Variants in ZFHX4 observed in about 807,000 individuals in gnomAD.
ZFHX4 encodes zinc finger homeobox 4.
A neutral mutation model predicts 267.6 loss-of-function variants in ZFHX4; 56 were observed. The observed-to-expected ratio is 0.21, with a 90% CI of 0.17 to 0.26. The LOEUF is 0.26. ZFHX4 is among the 10% of genes least tolerant of loss of function. The pLI is 1.00. For missense variants in ZFHX4, 4,332 were observed against 4,420.0 expected (o/e 0.98, Z 0.56); for synonymous variants, 1,778 against 1,665.6 (o/e 1.07, Z -1.64).
Position 76,706,688 on chromosome 8 carries a change from T to C in ZFHX4, c.2590+10T>C. 1 of 1,550,108 alleles carries C rather than the reference T, an allele frequency of 6.5e-7. No homozygotes were observed. The highest frequency in any genetic ancestry group is 8.7e-7 in the Non-Finnish European group (1 of 1,151,946). Reference sequence around the variant, plus strand: ...TTGGCACCAGGGCTCGGTTAGTATTTCCTGCTTTTCTGCACTGTTGTTAGT... The same window carrying C: ...TTGGCACCAGGGCTCGGTTAGTATTCCCTGCTTTTCTGCACTGTTGTTAGT... On this transcript the variant is annotated intron_variant, in intron 2 of 10. Coordinates refer to ENST00000651372, the MANE Select transcript of ZFHX4 (RefSeq NM_024721.5).
At chr8:76,744,629 T>C (rs944368850) in intron 3 of ZFHX4, among the ~76,000 whole-genome samples, 6 of 152,012 alleles carry the variant, frequency 3.9e-5, no homozygotes, top group African/African-American at 1.4e-4. Context: ...GCCAGGCAGG[T>C]CTTGCACTCC....
intron 1 of ZFHX4, among the ~76,000 whole-genome samples, chr8:76,700,139 A>T (rs1336707683): frequency 1.3e-5 from 2 of 152,058 alleles, no homozygotes; most frequent in African/African-American, 2.4e-5. Flanking sequence ...TATTTTTTTT[A>T]AATTCGTAAC....
chr8:76,698,375 G>A (rs1487296107), intron 1 of ZFHX4, among the ~76,000 whole-genome samples: 1 of 152,242 alleles, frequency 6.6e-6, no homozygotes. Context: ...GCTGGAGTTT[G>A]ATTAAAGTTT....
At position 76,706,321 on chromosome 8, in the gene ZFHX4, G is replaced by A. The variant is rs750161449; in HGVS notation, c.2233G>A (p.Ala745Thr). 3.1e-6 allele frequency: 5 copies of A among 1,614,040 alleles called. No homozygotes were observed. The South Asian group carries it at 3.3e-5, about 11-fold the overall frequency. Reference sequence around the variant, plus strand: ...GCAGGTGTTTGGCCACTCTGCCCCAGCCCCCAACACCAGCCTCAGTGGCTG... The same window carrying A: ...GCAGGTGTTTGGCCACTCTGCCCCAACCCCCAACACCAGCCTCAGTGGCTG... The part of the protein sequence containing the change: ...GEQVFGHSAP[A>T]PNTSLSGCGT... The change falls in exon 2 of 11, where the codon GCC becomes ACC. Residue 745 changes from alanine (A) to threonine (T), a missense_variant. Ala to Thr is a moderately conservative substitution (Grantham distance 58). This residue lies in a region of ZFHX4 where 1,195 missense variants were observed against 1,173.6 expected (regional missense o/e 1.02). Coordinates refer to ENST00000651372, the MANE Select transcript of ZFHX4 (RefSeq NM_024721.5).
chr8:76,766,696 G>A lies in ZFHX4; in HGVS notation c.3094-11512G>A, dbSNP rs190681275. On this transcript the variant is annotated intron_variant, in intron 3 of 10. Transcript: ENST00000651372. ...ATTTTTCCTTTTTACATAGAGTGGA[G>A]GCTAGCAGGTAAAATAATACACAGG... 3.4e-3 allele frequency among the ~76,000 whole-genome samples: 512 copies of A among 151,808 alleles called. 1 individual carries two copies. Among genetic ancestry groups the A allele is most frequent in the Non-Finnish European group, 5.7e-3 (388 of 67,896 alleles).
At chr8:76,835,099 A>G (rs952789376) in intron 5 of ZFHX4, among the ~76,000 whole-genome samples, 2 of 150,022 alleles carry the variant, frequency 1.3e-5, no homozygotes, top group African/African-American at 4.9e-5. Flanking sequence ...GCTGGATATT[A>G]TTTTTCACAA....
In ZFHX4 at chr8:76,866,837, G is replaced by T. The variant is rs1813046912; in HGVS notation, c.*2272G>T. 1 of 152,580 alleles carries T rather than the reference G, an allele frequency of 6.6e-6. No homozygotes were observed. The highest frequency in any genetic ancestry group is 6.6e-5 in the Admixed American group (1 of 15,262). 9.5% of individuals were successfully genotyped at this position (152,580 alleles called of 1,614,324 possible). On this transcript the variant is annotated 3_prime_UTR_variant, in exon 11 of 11. Transcript: ENST00000651372. ...AAAAAACTTTAACTGGATGGACGTT[G>T]TTAGGGTGAGAAATAAAAGGACAGC...
chr8:76,701,373 C>A (rs547929112), intron 1 of ZFHX4, among the ~76,000 whole-genome samples: 1 of 152,098 alleles, frequency 6.6e-6, no homozygotes, highest in Non-Finnish European at 1.5e-5. Flanking sequence ...TGGCAATTTT[C>A]TGTAAAATTG....
chr8:76,854,727 AC>A lies in ZFHX4; in HGVS notation c.7807del (p.His2603ThrfsTer6). On this transcript the variant is annotated frameshift_variant, in exon 10 of 11. Coordinates refer to ENST00000651372, the MANE Select transcript of ZFHX4 (RefSeq NM_024721.5). LOFTEE classifies it high-confidence loss of function. ...AAGGAGGGAATAGCGGTGAAGACCA[AC>A]ACCGAGATAAACGCTTGAGAACCAC... ...KEGGNSGEDQ[H>X]RDKRLRTTIT... is the part of the protein sequence containing the mutation. The A allele has an allele frequency of 6.2e-7, 1 of 1,612,478 alleles. No homozygotes were observed. The highest frequency in any genetic ancestry group is 8.5e-7 in the Non-Finnish European group (1 of 1,179,276).
At chr8:76,807,007 T>C (rs771365171) in intron 4 of ZFHX4, among the ~76,000 whole-genome samples, 29 of 152,140 alleles carry the variant, frequency 1.9e-4, no homozygotes, top group Non-Finnish European at 4.0e-4. Context: ...GTGACAGGCA[T>C]CCTTTGCCAC....
At chr8:76,816,733 T>A (rs1017924504) in intron 4 of ZFHX4, among the ~76,000 whole-genome samples, 1 of 151,710 alleles carries the variant, frequency 6.6e-6, no homozygotes, top group Non-Finnish European at 1.5e-5. Context: ...GTAGTTGGGA[T>A]TACAGGCGCC....
chr8:76,711,356 A>G (rs1808418547), intron 3 of ZFHX4, among the ~76,000 whole-genome samples: 1 of 152,184 alleles, frequency 6.6e-6, no homozygotes. Flanking sequence ...AAATAAAACA[A>G]TAAGATGAAA....
chr8:76,828,765 T>TA (rs1041240110), intron 4 of ZFHX4, among the ~76,000 whole-genome samples: 4 of 151,806 alleles, frequency 2.6e-5, no homozygotes, highest in African/African-American at 9.7e-5. Flanking sequence ...TTATGCAATT[T>TA]AAAAAAAAGT....
chr8:76,692,692 GT>G (rs1191473703), intron 1 of ZFHX4, among the ~76,000 whole-genome samples: 1 of 151,570 alleles, frequency 6.6e-6, no homozygotes, highest in East Asian at 1.9e-4. Context: ...TGAAAGTTCT[GT>G]TTTTTTAATC....
At chr8:76,738,234 C>T (rs1809217048) in intron 3 of ZFHX4, among the ~76,000 whole-genome samples, 1 of 152,046 alleles carries the variant, frequency 6.6e-6, no homozygotes, top group Non-Finnish European at 1.5e-5. Flanking sequence ...CCTAGGTGCC[C>T]CCATTAAGAT....
At chr8:76,691,740 T>C (rs903974148) in intron 1 of ZFHX4, among the ~76,000 whole-genome samples, 1 of 152,130 alleles carries the variant, frequency 6.6e-6, no homozygotes, top group African/African-American at 2.4e-5. Flanking sequence ...ATATCAGGGT[T>C]GCTGCAGAGA....
chr8:76,811,419 A>G (rs1279254666), intron 4 of ZFHX4, among the ~76,000 whole-genome samples: 1 of 152,198 alleles, frequency 6.6e-6, no homozygotes, highest in Non-Finnish European at 1.5e-5. Flanking sequence ...TTTTAACAAT[A>G]TGTTGGTGGC....
rs1440853564 is a variant in ZFHX4, at chr8:76,865,893, A to G, written c.*1328A>G. ...TTTTTAACCTGTTTTGTTTTATCAT[A>G]TATGCATTAAAAGTATTATCTTTAT... is the stretch of plus-strand genomic sequence containing the variant. On this transcript the variant is annotated 3_prime_UTR_variant, in exon 11 of 11. Transcript: ENST00000651372. The G allele has an allele frequency of 6.6e-6, 1 of 152,474 alleles. No individual in the cohort carries two copies. Among genetic ancestry groups the G allele is most frequent in the Non-Finnish European group, 1.5e-5 (1 of 68,004 alleles). 9.4% of individuals were successfully genotyped at this position (152,474 alleles called of 1,614,324 possible).
Position 76,864,020 on chromosome 8 carries a change from C to A in ZFHX4, c.10306C>A (p.Gln3436Lys). 1 of 1,613,840 alleles carries A rather than the reference C, an allele frequency of 6.2e-7. No individual in the cohort carries two copies. Among genetic ancestry groups the A allele is most frequent in the South Asian group, 1.1e-5 (1 of 91,070 alleles). ...TTTCGGTCAGCCTTTGATTGACCCA[C>A]AAGAGACAGTGCTTCGTGTCCCAGT... ...CYFGQPLIDP[Q>K]ETVLRVPVSK... Residue 3436 changes from glutamine (Q) to lysine (K), a missense_variant, in exon 11 of 11, where the codon CAA becomes AAA. Coordinates refer to ENST00000651372, the MANE Select transcript of ZFHX4 (RefSeq NM_024721.5).
Sources: gnomAD v4.1 joint callset for allele counts (sites outside exome capture counted in the v4.1 genomes callset) on GRCh38, gnomAD v4.1.1 for gene constraint, gnomAD v4.1.1 regional missense constraint, MANE v1.5 for transcripts, NCBI Gene and HGNC (gene_info 2026-07-23, HGNC 2026-07-21) for gene names.